Variants in STAB2 observed in about 807,000 individuals in gnomAD.
STAB2 encodes the protein stabilin 2.
A neutral mutation model predicts 338.1 loss-of-function variants in STAB2; 288 were observed. That is an observed-to-expected ratio of 0.85 (90% CI 0.77 to 0.94). The LOEUF (loss-of-function observed/expected upper bound fraction) is 0.94. Among genes scored for constraint, STAB2 ranks in the 40% least tolerant of loss-of-function variants. STAB2 has a pLI of 0.00. For missense variants in STAB2, 3,141 were observed against 3,210.1 expected (o/e 0.98, Z 0.52); for synonymous variants, 1,202 against 1,193.3 (o/e 1.01, Z -0.15).
In STAB2 at chr12:103,671,605, CT is replaced by C. The variant is rs149254607; in HGVS notation, c.2371+802del. ...TGGGGATGATGAAAATAGCAAGTGT[CT>C]TTTAAAGTTAGTACAACTTATAAAT... On this transcript the variant is annotated intron_variant, in intron 22 of 68. Transcript: ENST00000388887. Among the ~76,000 whole-genome samples the C allele has an allele frequency of 6.2e-3, 939 of 152,310 alleles. 12 individuals carry two copies. Among genetic ancestry groups the C allele is most frequent in the African/African-American group, 0.021 (892 of 41,564 alleles).
intron 33 of STAB2, among the ~76,000 whole-genome samples, chr12:103,697,190 C>G (rs1878483000): frequency 6.6e-6 from 1 of 152,150 alleles, no homozygotes; most frequent in South Asian, 2.1e-4. Flanking sequence ...CATGTGTACC[C>G]CCTTTCAGCA....
chr12:103,754,641 ATAT>A (rs1444607426), intron 61 of STAB2, among the ~76,000 whole-genome samples: 1 of 152,054 alleles, frequency 6.6e-6, no homozygotes, highest in Non-Finnish European at 1.5e-5. Flanking sequence ...AGCAATGATG[ATAT>A]TATGATGAAG....
chr12:103,668,227 A>AT (rs1285646438), intron 19 of STAB2, among the ~76,000 whole-genome samples: 7 of 152,212 alleles, frequency 4.6e-5, no homozygotes, highest in African/African-American at 1.7e-4. Flanking sequence ...GACTATCACA[A>AT]TTTTGTTTGG....
At chr12:103,597,304 CCTT>C (rs1228321456) in intron 3 of STAB2, among the ~76,000 whole-genome samples, 6 of 152,208 alleles carry the variant, frequency 3.9e-5, no homozygotes, top group Admixed American at 3.9e-4. Flanking sequence ...GTGGGTCTAT[CCTT>C]CTTTCTGAGG....
rs753329256 is a variant in STAB2, at chr12:103,587,596, G to T, written c.81+39G>T. 4 of 1,519,550 alleles carry T rather than the reference G, an allele frequency of 2.6e-6. No individual in the cohort carries two copies. The African/African-American group carries it at 5.5e-5, about 21-fold the overall frequency. 94.1% of individuals were successfully genotyped at this position (1,519,550 alleles called of 1,614,324 possible). A position where few individuals can be genotyped will look rare whatever the true frequency, so the allele number is the denominator to read the frequency against. On this transcript the variant is annotated intron_variant, in intron 1 of 68. Transcript: ENST00000388887. ...TACATATTTTTTTCATTTGTTAATTGTCATGATATGTTCAAAAGCTTGTCG... is the reference window on the plus strand; with the variant it reads ...TACATATTTTTTTCATTTGTTAATTTTCATGATATGTTCAAAAGCTTGTCG...
At chr12:103,649,191 G>C (rs562064210) in intron 10 of STAB2, among the ~76,000 whole-genome samples, 8 of 152,166 alleles carry the variant, frequency 5.3e-5, no homozygotes, top group African/African-American at 1.7e-4. Flanking sequence ...AAGCTTGGCA[G>C]GTAAAACTGG....
Position 103,633,509 on chromosome 12 carries a change from C to A in STAB2, c.583+1816C>A, listed in dbSNP as rs141968275. 7.9e-3 allele frequency among the ~76,000 whole-genome samples: 1,205 copies of A among 152,240 alleles called. 21 individuals are homozygous for A. The highest frequency in any genetic ancestry group is 0.027 in the African/African-American group (1,116 of 41,528). ...ACCAGCCTGGCCAACATGGTGAAACCCTGTCTCTACAAAAATACAAAAATC... is the reference window on the plus strand; with the variant it reads ...ACCAGCCTGGCCAACATGGTGAAACACTGTCTCTACAAAAATACAAAAATC... On this transcript the variant is annotated intron_variant, in intron 6 of 68. Transcript: ENST00000388887.
chr12:103,648,868 A>G (rs1446506322), intron 10 of STAB2, 45 bp downstream of exon 10: 1 of 1,599,478 alleles, frequency 6.3e-7, no homozygotes, highest in African/African-American at 1.3e-5. Context: ...GTCCTCTTTC[A>G]GGAAAGGGCA....
At chr12:103,704,040 A>G (rs1176779005) in intron 35 of STAB2, among the ~76,000 whole-genome samples, 1 of 152,240 alleles carries the variant, frequency 6.6e-6, no homozygotes, top group African/African-American at 2.4e-5. Flanking sequence ...CAACCACATT[A>G]TCCTGTCTGG....
At chr12:103,651,938 C>T (rs1012755880) in intron 11 of STAB2, among the ~76,000 whole-genome samples, 1 of 152,176 alleles carries the variant, frequency 6.6e-6, no homozygotes, top group African/African-American at 2.4e-5. Flanking sequence ...TCAGAGATGT[C>T]CTCATACCAC....
At chr12:103,607,073 T>C (rs1957040768) in intron 3 of STAB2, among the ~76,000 whole-genome samples, 1 of 152,224 alleles carries the variant, frequency 6.6e-6, no homozygotes. Context: ...AAATCCTTTT[T>C]CCCTTTGGCT....
intron 19 of STAB2, among the ~76,000 whole-genome samples, chr12:103,667,950 G>T (rs1457443083): frequency 6.6e-6 from 1 of 152,154 alleles, no homozygotes; most frequent in East Asian, 1.9e-4. Flanking sequence ...GTCTGTACGT[G>T]ATAAGACCCA....
rs140071982 is a variant in STAB2, at chr12:103,651,266, C to T, written c.1257+688C>T. 3.3e-3 allele frequency among the ~76,000 whole-genome samples: 499 copies of T among 151,744 alleles called. 3 individuals are homozygous for T. The highest frequency in any genetic ancestry group is 0.012 in the African/African-American group (480 of 41,334). On this transcript the variant is annotated intron_variant, in intron 11 of 68. Coordinates refer to ENST00000388887, the MANE Select transcript of STAB2 (RefSeq NM_017564.10). The stretch of plus-strand genomic sequence containing the variant: ...AACTGGTATTCTATATATCTTTCTC[C>T]CTCCCACCTTTACCATCTAACATGT...
chr12:103,712,986 A>G (rs1293112242), intron 41 of STAB2, among the ~76,000 whole-genome samples: 1 of 152,206 alleles, frequency 6.6e-6, no homozygotes, highest in Non-Finnish European at 1.5e-5. Context: ...TCTGTGTTCA[A>G]TGGCAGAATA....
At chr12:103,694,524 G>T (rs1878234655) in intron 31 of STAB2, among the ~76,000 whole-genome samples, 1 of 152,134 alleles carries the variant, frequency 6.6e-6, no homozygotes, top group African/African-American at 2.4e-5. Context: ...TGCCACCGTA[G>T]TGCAAAAACA....
At chr12:103,746,392 T>C (rs1883035615) in intron 57 of STAB2, 4 of 531,532 alleles carry the variant, frequency 7.5e-6, no homozygotes, top group Middle Eastern at 8.6e-4. Flanking sequence ...ATTGCAGAGA[T>C]CATGTCTTAC....
intron 25 of STAB2, among the ~76,000 whole-genome samples, chr12:103,681,082 T>C (rs1593226776): frequency 6.6e-6 from 1 of 152,214 alleles, no homozygotes; most frequent in East Asian, 1.9e-4. Flanking sequence ...GGTCTGGTTG[T>C]TCCACAGCGT....
intron 64 of STAB2, among the ~76,000 whole-genome samples, chr12:103,758,873 C>G (rs1181815229): frequency 6.6e-6 from 1 of 152,172 alleles, no homozygotes; most frequent in East Asian, 1.9e-4. Flanking sequence ...AGCAATACCT[C>G]TGCCTACCTC....
chr12:103,655,342 A>C, intron 14 of STAB2, 35 bp downstream of exon 14: 1 of 1,605,758 alleles, frequency 6.2e-7, no homozygotes, highest in Non-Finnish European at 8.5e-7. Flanking sequence ...AAAAATATTT[A>C]TGTCAAGACT....
Sources: gnomAD v4.1 joint callset for allele counts (sites outside exome capture counted in the v4.1 genomes callset) on GRCh38, gnomAD v4.1.1 for gene constraint, MANE v1.5 for transcripts, NCBI Gene and HGNC (gene_info 2026-07-23, HGNC 2026-07-21) for gene names.